MAPRE2: variants seen among roughly 807,000 people sequenced by gnomAD.
MAPRE2 encodes microtubule-associated protein RP/EB family member 2.
Under a neutral mutation model 43.2 loss-of-function variants are expected in MAPRE2, and 13 were observed. That is an observed-to-expected ratio of 0.30 (90% confidence interval 0.20 to 0.48). MAPRE2 has a LOEUF of 0.48. Ranked by LOEUF, MAPRE2 falls within the 20% of genes least tolerant of loss-of-function variation. MAPRE2 has a pLI of 0.99. For synonymous variants in MAPRE2, 135 were observed against 148.8 expected (o/e 0.91, Z 0.68); for missense variants, 161 against 400.2 (o/e 0.40, Z 5.10).
intron 6 of MAPRE2, among the ~76,000 whole-genome samples, chr18:35,134,082 G>A (rs1171078040): frequency 6.6e-6 from 1 of 152,218 alleles, no homozygotes; most frequent in Non-Finnish European, 1.5e-5. Context: ...CCTGGTTGGG[G>A]TTTGAGGTAG....
chr18:35,008,654 G>A (rs1354053813), intron 2 of MAPRE2, among the ~76,000 whole-genome samples: 2 of 152,096 alleles, frequency 1.3e-5, no homozygotes, highest in African/African-American at 4.8e-5. Flanking sequence ...TATAAAAAAT[G>A]CTATGCTAAA....
chr18:35,124,562 G>T (rs936357648), intron 4 of MAPRE2, among the ~76,000 whole-genome samples: 2 of 152,172 alleles, frequency 1.3e-5, no homozygotes, highest in Non-Finnish European at 2.9e-5. Context: ...AGAGAACAAA[G>T]ACTGCATCTT....
chr18:35,045,140 G>C (rs1047941646), intron 1 of MAPRE2, among the ~76,000 whole-genome samples: 1 of 152,208 alleles, frequency 6.6e-6, no homozygotes, highest in African/African-American at 2.4e-5. Flanking sequence ...GTTTATGAAT[G>C]CTAGAAATCT....
chr18:35,106,026 G>A (rs924435792), intron 4 of MAPRE2, among the ~76,000 whole-genome samples: 11 of 152,042 alleles, frequency 7.2e-5, no homozygotes, highest in Admixed American at 6.6e-4. Flanking sequence ...ACTCAAAGCC[G>A]TTCTCTTTAT....
rs529368268 is a variant in MAPRE2, at chr18:35,059,680, G to A, written c.123-10515G>A. Among the ~76,000 whole-genome samples the A allele has an allele frequency of 1.5e-3, 221 of 152,194 alleles. 2 individuals carry two copies. Among genetic ancestry groups the A allele is most frequent in the African/African-American group, 5.3e-3 (220 of 41,530 alleles). The stretch of plus-strand genomic sequence containing the variant: ...GAGAGATGTGGGAGTAACTGGAAGC[G>A]GCCACTTCAGAAGTGGGCATGGAGG... On this transcript the variant is annotated intron_variant, in intron 1 of 6. Coordinates refer to ENST00000300249, the MANE Select transcript of MAPRE2 (RefSeq NM_014268.4).
In MAPRE2 at chr18:35,141,994, G is replaced by A. The variant is rs183111375; in HGVS notation, c.*1625G>A. 5 of 152,322 alleles carry A rather than the reference G, an allele frequency of 3.3e-5. No individual in the cohort carries two copies. Among genetic ancestry groups the A allele is most frequent in the African/African-American group, 1.2e-4 (5 of 41,556 alleles). 9.4% of individuals were successfully genotyped at this position (152,322 alleles called of 1,614,324 possible). On this transcript the variant is annotated 3_prime_UTR_variant, in exon 7 of 7. Transcript: ENST00000300249. ...ATTTATTGAGTTATGTGGAAAAGAT[G>A]GCTTGTATTTTTCAGATTATTACAA...
intron 2 of MAPRE2, among the ~76,000 whole-genome samples, chr18:35,080,594 T>A (rs1907585555): frequency 6.6e-6 from 1 of 152,172 alleles, no homozygotes; most frequent in Non-Finnish European, 1.5e-5. Flanking sequence ...AAGCCAAACA[T>A]CTCCAAATTC....
intron 2 of MAPRE2, among the ~76,000 whole-genome samples, chr18:35,008,706 T>C (rs1018039151): frequency 6.6e-6 from 1 of 152,226 alleles, no homozygotes; most frequent in African/African-American, 2.4e-5. Context: ...TCGTTTGGTT[T>C]GTGTCTATTC....
chr18:35,029,012 T>G (rs870775), intron 2 of MAPRE2, among the ~76,000 whole-genome samples: 1 of 152,226 alleles, frequency 6.6e-6, no homozygotes, highest in Non-Finnish European at 1.5e-5. Context: ...GCCCATTATG[T>G]TTTCATGTGC....
At chr18:35,090,636 G>A (rs979732623) in intron 2 of MAPRE2, among the ~76,000 whole-genome samples, 9 of 151,744 alleles carry the variant, frequency 5.9e-5, no homozygotes, top group Admixed American at 3.9e-4. Context: ...GGAGGCTGAG[G>A]CAGAAGAATC....
At position 35,099,328 on chromosome 18, in the gene MAPRE2, A is replaced by G. The variant is rs1327807586; in HGVS notation, c.396+1737A>G. On this transcript the variant is annotated intron_variant, in intron 3 of 6. Coordinates refer to ENST00000300249, the MANE Select transcript of MAPRE2 (RefSeq NM_014268.4). ...GATTAAATAATACAATTAAAAGTCA[A>G]TTGAGGCTGAGCACAGTGGCTCACA... is the stretch of plus-strand genomic sequence containing the variant. Among the ~76,000 whole-genome samples the G allele has an allele frequency of 2.0e-5, 3 of 152,350 alleles. 1 individual carries two copies. Among genetic ancestry groups the G allele is most frequent in the Non-Finnish European group, 4.4e-5 (3 of 68,038 alleles).
chr18:35,017,234 C>T (rs2840353), intron 2 of MAPRE2, among the ~76,000 whole-genome samples: 45,567 of 116,752 alleles, frequency 0.39, 8,373 homozygotes, highest in African/African-American at 0.56. Context: ...GTGATGCCTC[C>T]GGTTTTGTTG....
chr18:35,063,143 G>A (rs138482003), intron 1 of MAPRE2, among the ~76,000 whole-genome samples: 63 of 151,794 alleles, frequency 4.2e-4, no homozygotes, highest in East Asian at 1.9e-3. Context: ...TCACTCTGTC[G>A]CCCAGGCCGG....
At chr18:35,139,802 A>G (rs550511635) in intron 6 of MAPRE2, among the ~76,000 whole-genome samples, 5 of 152,282 alleles carry the variant, frequency 3.3e-5, no homozygotes, top group Middle Eastern at 6.8e-3. Context: ...GCCGAGCAAG[A>G]AGAATGACAG....
rs1910749722 is a variant in MAPRE2 at position 35,143,280 on chromosome 18, A to T, written c.*2911A>T. The T allele has an allele frequency of 6.6e-6, 1 of 152,112 alleles. No homozygotes were observed. The highest frequency in any genetic ancestry group is 1.5e-5 in the Non-Finnish European group (1 of 68,022). The allele number at this position is 152,112 out of a possible 1,614,324, so 9.4% of individuals were successfully genotyped here. The stretch of plus-strand genomic sequence containing the variant: ...AACTGAAAGGAATGTAAACATATGT[A>T]TTGTTAATTATAAATATAGATAAGT... On this transcript the variant is annotated 3_prime_UTR_variant, in exon 7 of 7. Transcript: ENST00000300249.
In MAPRE2 at chr18:35,043,808, C is replaced by T. The variant is rs1250929403; in HGVS notation, c.122+2147C>T. Among the ~76,000 whole-genome samples the T allele has an allele frequency of 5.3e-5, 8 of 152,200 alleles. No homozygotes were observed. In the South Asian group the frequency reaches 1.2e-3, roughly 24 times the overall value. Reference sequence around the variant, plus strand: ...GGGTGCACATGGAGACAGACACATTCGATGTTTTTCTTCTTCTGTTTTTCT... The same window carrying T: ...GGGTGCACATGGAGACAGACACATTTGATGTTTTTCTTCTTCTGTTTTTCT... On this transcript the variant is annotated intron_variant, in intron 1 of 6. Coordinates refer to ENST00000300249, the MANE Select transcript of MAPRE2 (RefSeq NM_014268.4).
At chr18:34,991,095 G>A (rs1376901407) in intron 1 of MAPRE2, among the ~76,000 whole-genome samples, 2 of 152,182 alleles carry the variant, frequency 1.3e-5, no homozygotes, top group African/African-American at 2.4e-5. Flanking sequence ...GCTGAGGTTC[G>A]AGGTACAACT....
chr18:35,134,261 G>A (rs543539252), intron 6 of MAPRE2, among the ~76,000 whole-genome samples: 124 of 152,302 alleles, frequency 8.1e-4, no homozygotes, highest in Non-Finnish European at 1.5e-3. Context: ...TTTGAACCCT[G>A]AAATCTGAAT....
intron 1 of MAPRE2, among the ~76,000 whole-genome samples, chr18:34,994,478 G>A (rs2097025452): frequency 6.6e-6 from 1 of 151,684 alleles, no homozygotes; most frequent in Non-Finnish European, 1.5e-5. Context: ...ATGTATTACA[G>A]AAGAGGCAGC....
Sources: allele counts gnomAD v4.1 joint callset (sites outside exome capture counted in the v4.1 genomes callset), GRCh38; gene constraint gnomAD v4.1.1; transcripts MANE v1.5; gene names NCBI Gene and HGNC (gene_info 2026-07-23, HGNC 2026-07-21).